The following KLF12 variants were observed in gnomAD, a reference collection of about 807,000 sequenced individuals.
The protein encoded by KLF12 is Krueppel-like factor 12.
In KLF12, 9 loss-of-function variants were observed where a neutral mutation model predicts 37.8. The observed-to-expected ratio is 0.24, with a 90% CI of 0.14 to 0.42. The LOEUF (loss-of-function observed/expected upper bound fraction) is 0.42, where lower values mean the gene tolerates loss of function less well. KLF12 is among the 10% of genes least tolerant of loss of function. KLF12 has a pLI of 1.00. For missense variants in KLF12, 411 were observed against 516.0 expected (o/e 0.80, Z 1.97); for synonymous variants, 208 against 202.1 (o/e 1.03, Z -0.25).
chr13:73,691,569 T>C lies in KLF12; in HGVS notation c.*3921A>G, dbSNP rs1873824268. ...GCTGGTATTCTTAACACTGCTTAAT[T>C]TCTGTCAATCCTCACTATAAATGTT... On this transcript the variant is annotated 3_prime_UTR_variant, in exon 8 of 8. Transcript: ENST00000377669. The C allele has an allele frequency of 6.6e-6, 1 of 152,636 alleles. No homozygotes were observed. Among genetic ancestry groups the C allele is most frequent in the Admixed American group, 6.5e-5 (1 of 15,278 alleles). 9.5% of individuals were successfully genotyped at this position (152,636 alleles called of 1,614,324 possible). A position where few individuals can be genotyped will look rare whatever the true frequency, so the allele number is the denominator to read the frequency against.
chr13:74,217,390 T>C, the KLF12 span, among the ~76,000 whole-genome samples: 1 of 151,948 alleles, frequency 6.6e-6, no homozygotes, highest in African/African-American at 2.4e-5. Flanking sequence ...TAAAATGTCC[T>C]CCACAATATA....
chr13:74,063,705 AT>A (rs959838906), intron 1 of KLF12, among the ~76,000 whole-genome samples: 3 of 152,098 alleles, frequency 2.0e-5, no homozygotes, highest in African/African-American at 4.8e-5. Flanking sequence ...TAGATTTGAA[AT>A]TTTTTTTACA....
chr13:74,085,576 A>G (rs1875228957), intron 1 of KLF12, among the ~76,000 whole-genome samples: 1 of 152,156 alleles, frequency 6.6e-6, no homozygotes, highest in Non-Finnish European at 1.5e-5. Flanking sequence ...GAGACCTAAA[A>G]ATTTTTCTAA....
At chr13:74,117,418 T>G (rs1877373990) in intron 1 of KLF12, among the ~76,000 whole-genome samples, 1 of 152,212 alleles carries the variant, frequency 6.6e-6, no homozygotes, top group Non-Finnish European at 1.5e-5. Flanking sequence ...AACACAGTAT[T>G]AGCTTATGAC....
chr13:73,770,136 T>A (rs1304935932), intron 5 of KLF12, among the ~76,000 whole-genome samples: 1 of 152,110 alleles, frequency 6.6e-6, no homozygotes, highest in Non-Finnish European at 1.5e-5. Flanking sequence ...CTAAAATAAC[T>A]CCACAATTAC....
At position 73,764,918 on chromosome 13, in the gene KLF12, A is replaced by AAT; in HGVS notation, c.869+19_869+20insAT. ...TTTCCCGTAAGACCTACAAATACTC[A>AAT]TATTAGACTGTATACTCACCAAGGA... On this transcript the variant is annotated intron_variant, in intron 6 of 7. Coordinates refer to ENST00000377669, the MANE Select transcript of KLF12 (RefSeq NM_007249.5). 1 of 1,390,582 alleles carries AAT rather than the reference A, an allele frequency of 7.2e-7. No homozygotes were observed. 86.1% of individuals were successfully genotyped at this position (1,390,582 alleles called of 1,614,324 possible).
chr13:73,949,096 G>A (rs1333597151), intron 2 of KLF12, among the ~76,000 whole-genome samples: 1 of 152,110 alleles, frequency 6.6e-6, no homozygotes, highest in African/African-American at 2.4e-5. Context: ...AGGTTAAATT[G>A]CCCAAGCCCA....
At chr13:74,122,204 T>C (rs961485984) in intron 1 of KLF12, among the ~76,000 whole-genome samples, 2 of 152,112 alleles carry the variant, frequency 1.3e-5, no homozygotes, top group Non-Finnish European at 2.9e-5. Context: ...AGATGGTTAG[T>C]GGCTTTAATA....
rs775550326 is a variant in KLF12, at chr13:73,691,229, G to A, written c.*4261C>T. 6.5e-6 allele frequency: 1 copy of A among 152,674 alleles called. No homozygotes were observed. The highest frequency in any genetic ancestry group is 1.5e-5 in the Non-Finnish European group (1 of 68,044). The allele number at this position is 152,674 out of a possible 1,614,324, so 9.5% of individuals were successfully genotyped here. ...TGTTGGGGCTGTCTGTACAGGTTAA[G>A]TGGAAGGCAGTGTGGGGATGAGTAG... On this transcript the variant is annotated 3_prime_UTR_variant, in exon 8 of 8. Transcript: ENST00000377669.
intron 1 of KLF12, among the ~76,000 whole-genome samples, chr13:74,130,395 G>A (rs1217214651): frequency 1.3e-5 from 2 of 152,130 alleles, no homozygotes; most frequent in Admixed American, 6.5e-5. Context: ...TGTAGCCAGC[G>A]CAGTCGCTGA....
chr13:74,124,235 TCTAAAGCAGAAGAG>T (rs1239312393), intron 1 of KLF12, among the ~76,000 whole-genome samples: 1 of 152,224 alleles, frequency 6.6e-6, no homozygotes, highest in African/African-American at 2.4e-5. Context: ...TGTATTCATA[TCTAAAGCAGAAGAG>T]CTAATGCATA....
At chr13:74,296,544 G>A in the KLF12 span, among the ~76,000 whole-genome samples, 3 of 152,262 alleles carry the variant, frequency 2.0e-5, no homozygotes, top group South Asian at 6.2e-4. Flanking sequence ...CTAATGAACT[G>A]TAAAATTCTA....
chr13:73,897,432 G>A (rs766299894), intron 3 of KLF12, among the ~76,000 whole-genome samples: 3 of 152,076 alleles, frequency 2.0e-5, no homozygotes, highest in Non-Finnish European at 4.4e-5. Flanking sequence ...TCCCACTCAG[G>A]TGGAACTAAA....
the KLF12 span, among the ~76,000 whole-genome samples, chr13:74,297,692 A>T: frequency 6.6e-6 from 1 of 152,216 alleles, no homozygotes; most frequent in Non-Finnish European, 1.5e-5. Flanking sequence ...AGAGGCAAAG[A>T]TAAATAAAAC....
intron 1 of KLF12, among the ~76,000 whole-genome samples, chr13:74,105,810 TTCTC>T (rs1402348750): frequency 6.6e-6 from 1 of 152,224 alleles, no homozygotes; most frequent in Non-Finnish European, 1.5e-5. Context: ...CTATGCCTAA[TTCTC>T]TCCAAAGGAG....
the KLF12 span, among the ~76,000 whole-genome samples, chr13:74,160,241 A>G: frequency 6.6e-6 from 1 of 152,158 alleles, no homozygotes; most frequent in Non-Finnish European, 1.5e-5. Context: ...GTAATGGTAT[A>G]TGTGTTCCCA....
rs371566171 is a variant in KLF12, at chr13:74,074,960, GATTCT to G, written c.-32+58774_-32+58778del. Among the ~76,000 whole-genome samples the G allele has an allele frequency of 6.5e-3, 995 of 152,314 alleles. 11 individuals carry two copies. The highest frequency in any genetic ancestry group is 0.023 in the African/African-American group (953 of 41,568). On this transcript the variant is annotated intron_variant, in intron 1 of 7. Transcript: ENST00000377669. The stretch of plus-strand genomic sequence containing the variant: ...CAGTATGCCAAGAGGGCTCAGCTGT[GATTCT>G]ATTCAATTCAACAAATATTTATTAG...
chr13:74,292,047 A>G, the KLF12 span, among the ~76,000 whole-genome samples: 2 of 152,218 alleles, frequency 1.3e-5, no homozygotes, highest in Admixed American at 1.3e-4. Context: ...AGCATGGGAA[A>G]TGAGACCAAA....
chr13:73,780,382 T>C (rs1415801737), intron 5 of KLF12, among the ~76,000 whole-genome samples: 1 of 152,150 alleles, frequency 6.6e-6, no homozygotes, highest in African/African-American at 2.4e-5. Flanking sequence ...CTTTTATCCC[T>C]TGTCACCCAT....
Sources: allele counts gnomAD v4.1 joint callset (sites outside exome capture counted in the v4.1 genomes callset), GRCh38; gene constraint gnomAD v4.1.1; transcripts MANE v1.5; gene names NCBI Gene and HGNC (gene_info 2026-07-23, HGNC 2026-07-21).